DPF3: variants seen among roughly 807,000 people sequenced by gnomAD.
DPF3 encodes double PHD fingers 3.
A neutral mutation model predicts 56.8 loss-of-function variants in DPF3; 18 were observed. The observed-to-expected ratio is 0.32, with a 90% confidence interval of 0.22 to 0.47. The LOEUF is 0.47. DPF3 is among the 20% of genes least tolerant of loss of function. The probability of loss-of-function intolerance (pLI) is 1.00; values close to 1 mark genes in which losing one functional copy is unlikely to be tolerated. For synonymous variants in DPF3, 188 were observed against 180.2 expected, an observed-to-expected ratio of 1.04 and a Z score of -0.35; for missense variants, 403 against 488.8, an observed-to-expected ratio of 0.82 and a Z score of 1.65.
At chr14:72,775,346 T>C (rs1267650399) in intron 1 of DPF3, among the ~76,000 whole-genome samples, 1 of 152,190 alleles carries the variant, frequency 6.6e-6, no homozygotes, top group East Asian at 1.9e-4. Context: ...GGATTCCAAA[T>C]TGGACTTGTC....
At chr14:72,755,062 C>T (rs1344570037) in intron 2 of DPF3, among the ~76,000 whole-genome samples, 5 of 152,264 alleles carry the variant, frequency 3.3e-5, no homozygotes, top group African/African-American at 1.2e-4. Context: ...AGTGGAGGCC[C>T]AGGCCTGAGG....
At chr14:72,701,946 C>T (rs953558162) in intron 6 of DPF3, among the ~76,000 whole-genome samples, 7 of 152,210 alleles carry the variant, frequency 4.6e-5, no homozygotes, top group African/African-American at 1.7e-4. Flanking sequence ...CTGTCATCTG[C>T]CGATGCCTCC....
chr14:72,807,656 A>G (rs1882843555), intron 1 of DPF3, among the ~76,000 whole-genome samples: 1 of 152,132 alleles, frequency 6.6e-6, no homozygotes, highest in South Asian at 2.1e-4. Context: ...TTAACAACCA[A>G]CTCTCCAGTG....
intron 1 of DPF3, among the ~76,000 whole-genome samples, chr14:72,865,673 G>T (rs1257621533): frequency 6.6e-6 from 1 of 152,244 alleles, no homozygotes; most frequent in South Asian, 2.1e-4. Context: ...AGGGGGGTAA[G>T]GAGCCCATCA....
chr14:72,634,821 G>A (rs1292614556), intron 8 of DPF3, among the ~76,000 whole-genome samples: 1 of 152,026 alleles, frequency 6.6e-6, no homozygotes, highest in Non-Finnish European at 1.5e-5. Flanking sequence ...TATAGTGGAG[G>A]GAAGACAACC....
chr14:72,800,001 C>G (rs1184665545), intron 1 of DPF3, among the ~76,000 whole-genome samples: 1 of 152,182 alleles, frequency 6.6e-6, no homozygotes, highest in Non-Finnish European at 1.5e-5. Flanking sequence ...ACACATTCCT[C>G]TGTGTGCTTA....
At chr14:72,647,258 G>A (rs1192317596) in intron 8 of DPF3, among the ~76,000 whole-genome samples, 4 of 152,144 alleles carry the variant, frequency 2.6e-5, no homozygotes, top group African/African-American at 9.7e-5. Context: ...AAACCTCTAC[G>A]CCCATTCCCA....
chr14:72,757,914 G>A (rs930369144), intron 2 of DPF3, among the ~76,000 whole-genome samples: 10 of 151,940 alleles, frequency 6.6e-5, no homozygotes, highest in African/African-American at 1.9e-4. Context: ...ACAAATATAT[G>A]TGTGTGGTGT....
At position 72,619,842 on chromosome 14, in the gene DPF3, A is replaced by G. The variant is rs1884313477; in HGVS notation, c.1066+61T>C. Reference sequence around the variant, plus strand: ...AAGGCCTGTACCATAGTGAGAGCTCAGTAAGTGCTAGTAGTAGTAGTATCT... The same window carrying G: ...AAGGCCTGTACCATAGTGAGAGCTCGGTAAGTGCTAGTAGTAGTAGTATCT... On this transcript the variant is annotated intron_variant, in intron 10 of 10. Transcript: ENST00000556509. 4 of 1,423,492 alleles carry G rather than the reference A, an allele frequency of 2.8e-6. No homozygotes were observed. In the Admixed American group the frequency reaches 6.5e-5, roughly 23 times the overall value. The allele number at this position is 1,423,492 out of a possible 1,614,324, so 88.2% of individuals were successfully genotyped here. A position where few individuals can be genotyped will look rare whatever the true frequency, so the allele number is the denominator to read the frequency against.
chr14:72,729,852 G>A (rs557124747), intron 4 of DPF3, among the ~76,000 whole-genome samples: 1 of 152,272 alleles, frequency 6.6e-6, no homozygotes, highest in African/African-American at 2.4e-5. Context: ...GTGGACAGAT[G>A]CCATTACACA....
intron 3 of DPF3, among the ~76,000 whole-genome samples, chr14:72,745,278 GT>G (rs1046465557): frequency 2.6e-5 from 4 of 151,510 alleles, no homozygotes; most frequent in South Asian, 2.1e-4. Context: ...TGTGCAATTT[GT>G]TTTTTTTCGC....
At chr14:72,699,917 A>G (rs1294587568) in intron 6 of DPF3, among the ~76,000 whole-genome samples, 1 of 152,148 alleles carries the variant, frequency 6.6e-6, no homozygotes, top group Non-Finnish European at 1.5e-5. Context: ...GAAATGAGGA[A>G]GTGCTGATGG....
intron 6 of DPF3, among the ~76,000 whole-genome samples, chr14:72,702,258 G>A (rs141229052): frequency 1.1e-3 from 166 of 148,948 alleles, no homozygotes; most frequent in South Asian, 9.2e-3. Context: ...GGAGGCACCA[G>A]CAGGAGAACG....
Position 72,713,417 on chromosome 14 carries a change from A to G in DPF3, c.604+1006T>C, listed in dbSNP as rs959903451. On this transcript the variant is annotated intron_variant, in intron 6 of 10. Transcript: ENST00000556509. ...AGGGTGCTCCCTGGGCCCCACCCCTACCCCGCCTTGCCAGCTCTCTCCCTG... is the reference window on the plus strand; with the variant it reads ...AGGGTGCTCCCTGGGCCCCACCCCTGCCCCGCCTTGCCAGCTCTCTCCCTG... Among the ~76,000 whole-genome samples the G allele has an allele frequency of 4.0e-5, 6 of 151,586 alleles. No homozygotes were observed. In the South Asian group the frequency reaches 1.3e-3, roughly 32 times the overall value.
chr14:72,827,247 C>G (rs1883847745), intron 1 of DPF3, among the ~76,000 whole-genome samples: 1 of 151,912 alleles, frequency 6.6e-6, no homozygotes, highest in South Asian at 2.1e-4. Context: ...AGAAAGAAAA[C>G]CAAGGCCCTC....
intron 1 of DPF3, among the ~76,000 whole-genome samples, chr14:72,831,435 G>T (rs758619902): frequency 9.2e-5 from 14 of 152,188 alleles, no homozygotes; most frequent in Non-Finnish European, 1.9e-4. Flanking sequence ...AAATTTCTGG[G>T]GTTCATCTCA....
chr14:72,689,391 C>T (rs1887576306), intron 7 of DPF3, among the ~76,000 whole-genome samples: 1 of 152,164 alleles, frequency 6.6e-6, no homozygotes, highest in South Asian at 2.1e-4. Flanking sequence ...AAAAAGTCAG[C>T]ATTTCCACTT....
intron 8 of DPF3, among the ~76,000 whole-genome samples, chr14:72,651,651 A>G (rs1370949223): frequency 1.3e-5 from 2 of 152,090 alleles, no homozygotes; most frequent in African/African-American, 4.8e-5. Context: ...TGGAGGTGGA[A>G]TCTCCTTTGA....
chr14:72,803,137 A>C (rs1226344971), intron 1 of DPF3, among the ~76,000 whole-genome samples: 1 of 152,226 alleles, frequency 6.6e-6, no homozygotes, highest in African/African-American at 2.4e-5. Flanking sequence ...GGCCCCTTCC[A>C]AGGATAGAAA....
Sources: allele counts gnomAD v4.1 joint callset (sites outside exome capture counted in the v4.1 genomes callset), GRCh38; gene constraint gnomAD v4.1.1; transcripts MANE v1.5; gene names NCBI Gene and HGNC (gene_info 2026-07-23, HGNC 2026-07-21).